CLOCK: variants seen among roughly 807,000 people sequenced by gnomAD.
CLOCK encodes clock circadian regulator.
A neutral mutation model predicts 118.4 loss-of-function variants in CLOCK; 43 were observed. The observed-to-expected ratio is 0.36, with a 90% CI of 0.28 to 0.47. The LOEUF is 0.47. Ranked by LOEUF, CLOCK falls within the 20% of genes least tolerant of loss-of-function variation. The pLI, the probability that CLOCK is intolerant of heterozygous loss-of-function variation, is 1.00. For synonymous variants in CLOCK, 326 were observed against 339.2 expected (o/e 0.96, Z 0.43); for missense variants, 846 against 999.9 (o/e 0.85, Z 2.08).
At chr4:55,460,787 G>A (rs1336486458) in intron 9 of CLOCK, among the ~76,000 whole-genome samples, 5 of 152,008 alleles carry the variant, frequency 3.3e-5, no homozygotes, top group Admixed American at 2.6e-4. Flanking sequence ...ATCATAGATG[G>A]CTTTATCATC....
chr4:55,468,393 C>A (rs747221471), intron 8 of CLOCK, among the ~76,000 whole-genome samples: 3 of 152,134 alleles, frequency 2.0e-5, no homozygotes, highest in Non-Finnish European at 4.4e-5. Context: ...CAGCACCTAG[C>A]ATGGTGTCTG....
intron 13 of CLOCK, 37 bp from the exon 14 acceptor site, chr4:55,453,861 C>T: frequency 5.5e-6 from 8 of 1,444,500 alleles, no homozygotes; most frequent in Non-Finnish European, 7.6e-6. Context: ...TTCTTTAATT[C>T]ATATTATATA....
chr4:55,456,658 T>A (rs1226877115), intron 11 of CLOCK, among the ~76,000 whole-genome samples: 1 of 152,056 alleles, frequency 6.6e-6, no homozygotes, highest in Non-Finnish European at 1.5e-5. Context: ...ACAAGTTAGT[T>A]GTTTCTATGT....
chr4:55,529,684 G>A (rs1052050880), intron 1 of CLOCK, among the ~76,000 whole-genome samples: 1 of 152,126 alleles, frequency 6.6e-6, no homozygotes, highest in South Asian at 2.1e-4. Flanking sequence ...TACTCACAAG[G>A]TAGGTATTAT....
At chr4:55,493,959 T>C (rs892425672) in intron 2 of CLOCK, among the ~76,000 whole-genome samples, 8 of 152,206 alleles carry the variant, frequency 5.3e-5, no homozygotes, top group African/African-American at 1.9e-4. Flanking sequence ...AAAAAATTAA[T>C]ACAGTTCTCT....
At chr4:55,524,082 G>A (rs895507587) in intron 1 of CLOCK, among the ~76,000 whole-genome samples, 10 of 152,130 alleles carry the variant, frequency 6.6e-5, no homozygotes, top group Admixed American at 5.2e-4. Context: ...GATGGTGTAA[G>A]GCTCATCAGA....
At chr4:55,539,532 C>T (rs1731116694) in intron 1 of CLOCK, among the ~76,000 whole-genome samples, 1 of 130,760 alleles carries the variant, frequency 7.6e-6, no homozygotes, top group Non-Finnish European at 1.5e-5. Flanking sequence ...ATGTTCACAC[C>T]ACTACACTCC....
intron 21 of CLOCK, among the ~76,000 whole-genome samples, chr4:55,440,042 A>G (rs779969674): frequency 5.2e-4 from 79 of 152,118 alleles, no homozygotes; most frequent in Non-Finnish European, 1.1e-3. Context: ...ATAAAAAAAA[A>G]CCTTTTTCTT....
chr4:55,505,405 T>C (rs929318270), intron 2 of CLOCK, among the ~76,000 whole-genome samples: 1 of 152,154 alleles, frequency 6.6e-6, no homozygotes, highest in Admixed American at 6.5e-5. Context: ...GGCTCACACC[T>C]GTAATCCCAG....
chr4:55,537,799 T>A (rs113325207), intron 1 of CLOCK, among the ~76,000 whole-genome samples: 3 of 142,768 alleles, frequency 2.1e-5, no homozygotes, highest in African/African-American at 7.3e-5. Context: ...AAAAAACAAA[T>A]AAATAAATTA....
intron 3 of CLOCK, among the ~76,000 whole-genome samples, chr4:55,484,553 T>C (rs528164556): frequency 1.3e-5 from 2 of 152,280 alleles, no homozygotes; most frequent in East Asian, 3.9e-4. Context: ...CCAACAGACA[T>C]ATTTATCTTC....
At chr4:55,546,545 C>T (rs1193864105) in intron 1 of CLOCK, 2 of 151,088 alleles carry the variant, frequency 1.3e-5, no homozygotes, top group Admixed American at 6.6e-5. Context: ...TGCGGTGACT[C>T]GGAACCACTA....
At chr4:55,536,971 T>G (rs536592997) in intron 1 of CLOCK, among the ~76,000 whole-genome samples, 1 of 152,244 alleles carries the variant, frequency 6.6e-6, no homozygotes, top group Admixed American at 6.5e-5. Context: ...GAAGAACACT[T>G]ACAATGATAG....
At chr4:55,529,349 G>A (rs374718796) in intron 1 of CLOCK, among the ~76,000 whole-genome samples, 1 of 151,918 alleles carries the variant, frequency 6.6e-6, no homozygotes, top group East Asian at 1.9e-4. Flanking sequence ...TTGTAGAGAT[G>A]GGGTCTCATT....
chr4:55,504,929 A>G (rs974491421), intron 2 of CLOCK, among the ~76,000 whole-genome samples: 2 of 152,206 alleles, frequency 1.3e-5, no homozygotes, highest in Non-Finnish European at 2.9e-5. Flanking sequence ...CTCACACTGT[A>G]ATCCCAGCAC....
At chr4:55,516,368 C>T (rs1360705425) in intron 1 of CLOCK, among the ~76,000 whole-genome samples, 2 of 152,238 alleles carry the variant, frequency 1.3e-5, no homozygotes, top group African/African-American at 4.8e-5. Context: ...CACATACTTA[C>T]ATGCTCCACT....
chr4:55,440,756 C>A (rs1417129499), intron 21 of CLOCK, among the ~76,000 whole-genome samples: 1 of 152,120 alleles, frequency 6.6e-6, no homozygotes, highest in African/African-American at 2.4e-5. Flanking sequence ...AGAATATTTT[C>A]TTTAATCTGC....
At chr4:55,486,654 T>A (rs1052939703) in intron 3 of CLOCK, 1 of 152,222 alleles carries the variant, frequency 6.6e-6, no homozygotes, top group Non-Finnish European at 1.5e-5. Context: ...GAATACCTGG[T>A]TGAAAATCAC....
chr4:55,428,494 A>G lies in CLOCK; in HGVS notation c.*6921T>C, dbSNP rs62303687. The G allele has an allele frequency of 1.3e-5, 2 of 152,232 alleles. No homozygotes were observed. The highest frequency in any genetic ancestry group is 2.9e-5 in the Non-Finnish European group (2 of 68,038). 9.4% of individuals were successfully genotyped at this position (152,232 alleles called of 1,614,324 possible). ...CAATTCAGAATTTCGGCAGAAGACA[A>G]CAAATGGAAAATGCCTTTCGTTTCT... On this transcript the variant is annotated 3_prime_UTR_variant, in exon 23 of 23. Transcript: ENST00000513440.
Sources: gnomAD v4.1 joint callset for allele counts (sites outside exome capture counted in the v4.1 genomes callset) on GRCh38, gnomAD v4.1.1 for gene constraint, MANE v1.5 for transcripts, NCBI Gene and HGNC (gene_info 2026-07-23, HGNC 2026-07-21) for gene names.